The following OR1J2 variants were observed in gnomAD, a reference collection of about 807,000 sequenced individuals.
The protein encoded by OR1J2 is olfactory receptor 1J2.
For missense variants in OR1J2, 304 were observed against 246.1 expected (o/e 1.24, Z -1.57); for synonymous variants, 142 against 99.7 (o/e 1.42, Z -2.52).
the OR1J2 span, among the ~76,000 whole-genome samples, chr9:122,495,939 A>T: frequency 1.3e-5 from 2 of 152,010 alleles, no homozygotes; most frequent in African/African-American, 4.8e-5. Flanking sequence ...GCCAAACTGT[A>T]GTGATTGTTT....
the OR1J2 span, among the ~76,000 whole-genome samples, chr9:122,499,280 C>T: frequency 3.3e-5 from 5 of 152,322 alleles, no homozygotes; most frequent in South Asian, 8.3e-4. Flanking sequence ...TCCTTAGTTC[C>T]AGGTTCTCTG....
At chr9:122,572,792 C>G in the OR1J2 span, 13,537 of 152,204 alleles carry the variant, frequency 0.089, 699 homozygotes, top group Middle Eastern at 0.13. Flanking sequence ...CTGTATCCAG[C>G]GTTTTTCCTT....
upstream of OR1J2, among the ~76,000 whole-genome samples, chr9:122,508,869 G>A (rs1323178566): frequency 2.6e-5 from 4 of 152,168 alleles, no homozygotes; most frequent in Admixed American, 1.3e-4. Flanking sequence ...GGTATCAGTG[G>A]GTTAAAACTG....
At chr9:122,553,074 C>CA in the OR1J2 span, 1 of 848,660 alleles carries the variant, frequency 1.2e-6, no homozygotes, top group South Asian at 1.8e-5. Flanking sequence ...TTCTTATTGG[C>CA]AAAGACCATT....
chr9:122,553,447 C>T, the OR1J2 span: 3 of 1,614,162 alleles, frequency 1.9e-6, no homozygotes, highest in Admixed American at 5.0e-5. Flanking sequence ...TTCACTTCTG[C>T]CTCCATCCCC....
the OR1J2 span, among the ~76,000 whole-genome samples, chr9:122,550,947 T>G: frequency 0.3 from 45,567 of 151,428 alleles, 7,368 homozygotes; most frequent in East Asian, 0.54. Flanking sequence ...GACATCCAAA[T>G]TGGAAAAAGG....
At chr9:122,568,699 C>G in the OR1J2 span, 1 of 446,632 alleles carries the variant, frequency 2.2e-6, no homozygotes, top group Middle Eastern at 5.9e-4. Flanking sequence ...TCTGGAGGGA[C>G]AGAGGGAGAG....
the OR1J2 span, among the ~76,000 whole-genome samples, chr9:122,458,491 A>G: frequency 2.0e-5 from 3 of 152,274 alleles, no homozygotes; most frequent in African/African-American, 7.2e-5. Flanking sequence ...ACAGTTCCAC[A>G]TAGCTGGGGA....
At chr9:122,468,821 A>G in the OR1J2 span, among the ~76,000 whole-genome samples, 15 of 152,202 alleles carry the variant, frequency 9.9e-5, no homozygotes, top group African/African-American at 2.4e-4. Flanking sequence ...CTAACCTCCT[A>G]TGAACCTCTT....
chr9:122,541,582 A>G, the OR1J2 span, among the ~76,000 whole-genome samples: 1 of 152,156 alleles, frequency 6.6e-6, no homozygotes, highest in South Asian at 2.1e-4. Context: ...TTACATAACA[A>G]CGTATGCATA....
chr9:122,482,427 A>G, the OR1J2 span, among the ~76,000 whole-genome samples: 1 of 152,186 alleles, frequency 6.6e-6, no homozygotes, highest in Non-Finnish European at 1.5e-5. Flanking sequence ...TGGTGGGAAT[A>G]TAAATTATAT....
the OR1J2 span, among the ~76,000 whole-genome samples, chr9:122,538,042 G>A: frequency 1.6e-4 from 24 of 152,026 alleles, no homozygotes; most frequent in African/African-American, 3.9e-4. Context: ...TGCATGTGTC[G>A]GGGGATGGAA....
chr9:122,524,507 G>C, the OR1J2 span, among the ~76,000 whole-genome samples: 2 of 152,214 alleles, frequency 1.3e-5, no homozygotes, highest in Admixed American at 1.3e-4. Flanking sequence ...ATCTTTGTAT[G>C]CTGAGTGCTG....
chr9:122,525,228 A>T, the OR1J2 span, among the ~76,000 whole-genome samples: 1 of 152,162 alleles, frequency 6.6e-6, no homozygotes, highest in Admixed American at 6.5e-5. Flanking sequence ...GCGTACTAAG[A>T]TGTGGCATCT....
the OR1J2 span, among the ~76,000 whole-genome samples, chr9:122,450,423 A>C: frequency 6.6e-6 from 1 of 152,084 alleles, no homozygotes; most frequent in Non-Finnish European, 1.5e-5. Flanking sequence ...AGAGCAAGAC[A>C]CTGTCTCAAA....
the OR1J2 span, chr9:122,477,474 G>C: frequency 6.2e-6 from 10 of 1,614,016 alleles, no homozygotes; most frequent in East Asian, 1.3e-4. Flanking sequence ...ACGCACAAGC[G>C]ATGACCCAGG....
At chr9:122,567,549 T>G in the OR1J2 span, 80 of 1,565,610 alleles carry the variant, frequency 5.1e-5, no homozygotes, top group Admixed American at 1.5e-3. Flanking sequence ...GGGTGCTTCC[T>G]AGGATCTCTT....
At chr9:122,477,958 T>A in the OR1J2 span, 3 of 1,494,024 alleles carry the variant, frequency 2.0e-6, no homozygotes, top group South Asian at 2.6e-5. Context: ...CTAGGGAAAT[T>A]TGAAGGAAAA....
At chr9:122,477,354 G>T in the OR1J2 span, 23 of 1,613,942 alleles carry the variant, frequency 1.4e-5, no homozygotes, top group South Asian at 2.2e-4. Flanking sequence ...TGAGGGAGGT[G>T]TCTGAGCAGG....
Sources: gnomAD v4.1 joint callset for allele counts (sites outside exome capture counted in the v4.1 genomes callset) on GRCh38, gnomAD v4.1.1 for gene constraint, MANE v1.5 for transcripts, NCBI Gene and HGNC (gene_info 2026-07-23, HGNC 2026-07-21) for gene names.